The following GPSM2 variants were observed in gnomAD, a reference collection of about 807,000 sequenced individuals.
GPSM2 encodes the protein G protein signaling modulator 2, also known as G protein-signaling modulator 2.
Under a neutral mutation model 78.4 loss-of-function variants are expected in GPSM2, and 58 were observed. The ratio of observed to expected loss-of-function variants is 0.74; its 90% CI spans 0.60 to 0.92. The LOEUF is 0.92. Ranked by LOEUF, GPSM2 falls within the 40% of genes least tolerant of loss-of-function variation. The pLI is 0.00. For missense variants in GPSM2, 700 were observed against 815.5 expected, an observed-to-expected ratio of 0.86 and a Z score of 1.73; for synonymous variants, 224 against 280.2, an observed-to-expected ratio of 0.80 and a Z score of 2.00.
At chr1:108,922,961 T>C (rs1327582027) in intron 13 of GPSM2, among the ~76,000 whole-genome samples, 1 of 152,130 alleles carries the variant, frequency 6.6e-6, no homozygotes, top group East Asian at 1.9e-4. Flanking sequence ...CGTTTGTGAA[T>C]AGCCACTGCA....
At chr1:108,924,501 A>G (rs1650982501) in intron 14 of GPSM2, 6 of 448,866 alleles carry the variant, frequency 1.3e-5, no homozygotes, top group South Asian at 1.3e-4. Flanking sequence ...TATGCTTGCT[A>G]TGAAGAACTT....
Position 108,886,069 on chromosome 1 carries a change from A to G in GPSM2, c.56+491A>G, listed in dbSNP as rs192078792. Among the ~76,000 whole-genome samples, 50 of 149,878 alleles carry G rather than the reference A, an allele frequency of 3.3e-4. 1 individual carries two copies. The East Asian group carries it at 7.0e-3, about 21-fold the overall frequency. On this transcript the variant is annotated intron_variant, in intron 2 of 14. Transcript: ENST00000264126. ...TTATTTTATTAATTTTACTTTTTCT[A>G]TATTATCAGAGATGGGAGTCTCACT...
chr1:108,880,976 A>G (rs892983643), intron 1 of GPSM2, among the ~76,000 whole-genome samples: 2 of 152,226 alleles, frequency 1.3e-5, no homozygotes, highest in Non-Finnish European at 2.9e-5. Flanking sequence ...AAGCAGGGCT[A>G]GGATTTCTTT....
intron 2 of GPSM2, among the ~76,000 whole-genome samples, chr1:108,891,992 G>C (rs1165807562): frequency 6.6e-6 from 1 of 152,090 alleles, no homozygotes; most frequent in African/African-American, 2.4e-5. Flanking sequence ...AGAACAGCTA[G>C]ATATATGTGG....
intron 12 of GPSM2, among the ~76,000 whole-genome samples, chr1:108,919,034 A>G (rs1484499523): frequency 6.6e-6 from 1 of 151,310 alleles, no homozygotes; most frequent in Non-Finnish European, 1.5e-5. Flanking sequence ...TCGAGATGGA[A>G]TCTTGCTCTG....
rs997053818 is a variant in GPSM2 at position 108,933,807 on chromosome 1, CATCATGGTATTCTCTATG to C, written c.*3868_*3885del. Reference sequence around the variant, plus strand: ...GAAGACACCCAACTCTCTTCTTCCTCATCATGGTATTCTCTATGTATAGATCTCTAAAAATGCAAACTT... The same window carrying C: ...GAAGACACCCAACTCTCTTCTTCCTCTATAGATCTCTAAAAATGCAAACTT... On this transcript the variant is annotated 3_prime_UTR_variant, in exon 15 of 15. Coordinates refer to ENST00000264126, the MANE Select transcript of GPSM2 (RefSeq NM_013296.5). 4.6e-5 allele frequency: 7 copies of C among 152,352 alleles called. No individual in the cohort carries two copies. The highest frequency in any genetic ancestry group is 1.2e-4 in the African/African-American group (5 of 41,580). 9.4% of individuals were successfully genotyped at this position (152,352 alleles called of 1,614,324 possible). A position where few individuals can be genotyped will look rare whatever the true frequency, so the allele number is the denominator to read the frequency against.
chr1:108,928,787 G>T (rs564693865), intron 14 of GPSM2, among the ~76,000 whole-genome samples: 6 of 152,028 alleles, frequency 3.9e-5, no homozygotes, highest in Non-Finnish European at 7.4e-5. Flanking sequence ...TCAAGAGTTC[G>T]AGACCAGCCT....
chr1:108,901,923 A>G lies in GPSM2; in HGVS notation c.931A>G (p.Ile311Val), dbSNP rs778930827. ...AIDYHLKHLA[I>V]AQELNDRIGE... ...TGATTATCATCTGAAGCACTTAGCA[A>G]TTGCTCAAGAGCTGAATGATAGGTA... Residue 311 changes from isoleucine to valine, a missense_variant, in exon 8 of 15, where the codon ATT (isoleucine) becomes GTT (valine). By Grantham distance (29) the Ile-to-Val change is conservative. Transcript: ENST00000264126. The G allele has an allele frequency of 6.8e-6, 11 of 1,611,398 alleles. No homozygotes were observed. Among genetic ancestry groups the G allele is most frequent in the Admixed American group, 5.0e-5 (3 of 60,002 alleles).
intron 7 of GPSM2, among the ~76,000 whole-genome samples, chr1:108,901,004 C>T (rs921714005): frequency 6.6e-6 from 1 of 152,206 alleles, no homozygotes; most frequent in African/African-American, 2.4e-5. Context: ...GATAATAACA[C>T]ATTAACATTT....
chr1:108,920,962 T>C (rs1363975724), intron 12 of GPSM2, among the ~76,000 whole-genome samples: 1 of 152,174 alleles, frequency 6.6e-6, no homozygotes, highest in African/African-American at 2.4e-5. Flanking sequence ...GTATGTATCA[T>C]TCCCAAATCT....
chr1:108,920,739 A>G (rs991062015), intron 12 of GPSM2, among the ~76,000 whole-genome samples: 2 of 152,074 alleles, frequency 1.3e-5, no homozygotes, highest in African/African-American at 4.8e-5. Flanking sequence ...AAATTCAGGG[A>G]TATTTTTGTA....
At chr1:108,907,076 C>T (rs1444581569) in intron 10 of GPSM2, among the ~76,000 whole-genome samples, 2 of 152,174 alleles carry the variant, frequency 1.3e-5, no homozygotes, top group African/African-American at 4.8e-5. Context: ...TAATCTGAAC[C>T]TATCTCTTCA....
intron 12 of GPSM2, among the ~76,000 whole-genome samples, chr1:108,920,650 C>T (rs775842319): frequency 1.3e-5 from 2 of 151,900 alleles, no homozygotes; most frequent in South Asian, 4.2e-4. Context: ...TAGAATGCCT[C>T]GATTTTTATC....
intron 10 of GPSM2, among the ~76,000 whole-genome samples, chr1:108,908,685 G>GCACA (rs894708542): frequency 5.0e-5 from 6 of 119,720 alleles, no homozygotes; most frequent in African/African-American, 2.1e-4. Context: ...ACACGTGCGC[G>GCACA]CACACACACA....
intron 2 of GPSM2, among the ~76,000 whole-genome samples, chr1:108,888,492 T>TTC (rs1647739982): frequency 2.6e-5 from 4 of 152,296 alleles, no homozygotes; most frequent in Admixed American, 2.0e-4. Flanking sequence ...GGACTACAGC[T>TTC]ATGCCTGGCT....
intron 2 of GPSM2, among the ~76,000 whole-genome samples, chr1:108,895,684 A>ATG (rs1648302802): frequency 6.6e-6 from 1 of 152,148 alleles, no homozygotes; most frequent in African/African-American, 2.4e-5. Context: ...GAGACCATCT[A>ATG]GTTGCAGGAA....
At chr1:108,888,801 C>T (rs1275205458) in intron 2 of GPSM2, among the ~76,000 whole-genome samples, 1 of 152,034 alleles carries the variant, frequency 6.6e-6, no homozygotes, top group Non-Finnish European at 1.5e-5. Flanking sequence ...AAATAGTTCA[C>T]GTTAGGAAGG....
intron 2 of GPSM2, among the ~76,000 whole-genome samples, chr1:108,887,270 G>A (rs1315357223): frequency 1.3e-5 from 2 of 152,068 alleles, no homozygotes; most frequent in African/African-American, 4.8e-5. Context: ...AATGTGGGTT[G>A]AACATTTTAA....
At chr1:108,910,165 T>C (rs1649618840) in intron 10 of GPSM2, among the ~76,000 whole-genome samples, 1 of 152,088 alleles carries the variant, frequency 6.6e-6, no homozygotes, top group Admixed American at 6.5e-5. Context: ...TATGACAAAA[T>C]ATTTGAAAAT....
Sources: gnomAD v4.1 joint callset for allele counts (sites outside exome capture counted in the v4.1 genomes callset) on GRCh38, gnomAD v4.1.1 for gene constraint, MANE v1.5 for transcripts, NCBI Gene and HGNC (gene_info 2026-07-23, HGNC 2026-07-21) for gene names.